Variants in FNBP1 observed in about 807,000 individuals in gnomAD.
FNBP1 encodes the protein formin binding protein 1.
FNBP1 carries 26 observed loss-of-function variants against 90.6 expected under a neutral mutation model. That is an observed-to-expected ratio of 0.29 (90% CI 0.21 to 0.40). The LOEUF is 0.40. Among genes scored for constraint, FNBP1 ranks in the 10% least tolerant of loss-of-function variants. The probability of loss-of-function intolerance (pLI) is 1.00; values close to 1 mark genes in which losing one functional copy is unlikely to be tolerated. For synonymous variants in FNBP1, 260 were observed against 265.2 expected (o/e 0.98, Z 0.19); for missense variants, 635 against 768.0 (o/e 0.83, Z 2.05).
At chr9:129,907,446 G>A (rs1305124228) in intron 12 of FNBP1, among the ~76,000 whole-genome samples, 2 of 152,140 alleles carry the variant, frequency 1.3e-5, no homozygotes, top group Non-Finnish European at 2.9e-5. Flanking sequence ...CAGGGTATCT[G>A]GAGTGCTTGG....
intron 15 of FNBP1, among the ~76,000 whole-genome samples, chr9:129,898,972 G>A (rs1210028381): frequency 6.6e-6 from 1 of 151,944 alleles, no homozygotes; most frequent in African/African-American, 2.4e-5. Context: ...CTCTCTGGAA[G>A]CTGTTAAGTT....
chr9:129,974,415 C>T (rs1337857236), intron 4 of FNBP1, among the ~76,000 whole-genome samples: 3 of 151,478 alleles, frequency 2.0e-5, no homozygotes, highest in Non-Finnish European at 4.4e-5. Flanking sequence ...GCTAAACACT[C>T]GGCCTCCCGA....
At chr9:129,904,694 T>A (rs2037635260) in intron 12 of FNBP1, among the ~76,000 whole-genome samples, 1 of 152,174 alleles carries the variant, frequency 6.6e-6, no homozygotes, top group Non-Finnish European at 1.5e-5. Flanking sequence ...CCTCTCTTCC[T>A]TCCTTCCTAT....
At chr9:129,987,753 G>A (rs1438346553) in intron 2 of FNBP1, among the ~76,000 whole-genome samples, 3 of 151,826 alleles carry the variant, frequency 2.0e-5, no homozygotes, top group Admixed American at 6.6e-5. Context: ...TGCCCACCTC[G>A]GCCTCCCAAA....
At chr9:129,892,221 G>A (rs543249735) in intron 16 of FNBP1, among the ~76,000 whole-genome samples, 5 of 152,166 alleles carry the variant, frequency 3.3e-5, no homozygotes, top group East Asian at 3.9e-4. Flanking sequence ...ATATACACAC[G>A]TATTCTGTGG....
chr9:130,033,638 T>C (rs889262258), intron 1 of FNBP1, among the ~76,000 whole-genome samples: 1 of 149,860 alleles, frequency 6.7e-6, no homozygotes, highest in Non-Finnish European at 1.5e-5. Flanking sequence ...AAAGTTCAAG[T>C]CCAGCCTGGG....
chr9:129,993,888 G>A (rs998954485), intron 2 of FNBP1, among the ~76,000 whole-genome samples: 1 of 152,040 alleles, frequency 6.6e-6, no homozygotes, highest in Non-Finnish European at 1.5e-5. Context: ...GCCTCCCAAA[G>A]TGCTGGGATT....
chr9:130,043,027 C>T lies in FNBP1; in HGVS notation c.-52G>A, dbSNP rs914103222. On this transcript the variant is annotated 5_prime_UTR_variant, in exon 1 of 17. Coordinates refer to ENST00000446176, the MANE Select transcript of FNBP1 (RefSeq NM_015033.3). ...CGCGCGGCGGGCGCGGCTCTCTGGT[C>T]CCCCTCCCCGGCGATCCCTTTGCCC... 10 of 1,222,978 alleles carry T rather than the reference C, an allele frequency of 8.2e-6. No individual in the cohort carries two copies. The highest frequency in any genetic ancestry group is 4.7e-5 in the African/African-American group (3 of 63,948). 75.8% of individuals were successfully genotyped at this position (1,222,978 alleles called of 1,614,324 possible).
At chr9:129,919,433 C>T (rs2040768360) in intron 10 of FNBP1, among the ~76,000 whole-genome samples, 1 of 152,048 alleles carries the variant, frequency 6.6e-6, no homozygotes, top group Non-Finnish European at 1.5e-5. Context: ...TTGCACAGGC[C>T]AGAAAATGAA....
Position 129,977,184 on chromosome 9 carries a change from G to T in FNBP1, c.345+1281C>A, listed in dbSNP as rs115029341. ...AAAAAAAAAAAAAATGTTATCACTG[G>T]CCAACGTGATTACTTTATTACTAGT... On this transcript the variant is annotated intron_variant, in intron 4 of 16. Transcript: ENST00000446176. Among the ~76,000 whole-genome samples the T allele has an allele frequency of 4.5e-4, 69 of 152,044 alleles. 1 individual carries two copies. The highest frequency in any genetic ancestry group is 1.7e-3 in the African/African-American group (69 of 41,484).
At chr9:130,020,457 G>C (rs1006332161) in intron 1 of FNBP1, among the ~76,000 whole-genome samples, 3 of 152,042 alleles carry the variant, frequency 2.0e-5, no homozygotes, top group African/African-American at 7.2e-5. Flanking sequence ...TGATCCACCC[G>C]CCTTGGCCTC....
intron 12 of FNBP1, among the ~76,000 whole-genome samples, chr9:129,905,610 C>T (rs1185871905): frequency 6.6e-6 from 1 of 151,782 alleles, no homozygotes; most frequent in African/African-American, 2.4e-5. Flanking sequence ...TGCCCAGCCG[C>T]TTCTATTTCC....
intron 2 of FNBP1, among the ~76,000 whole-genome samples, chr9:129,987,585 G>A (rs2052481952): frequency 6.6e-6 from 1 of 151,936 alleles, no homozygotes; most frequent in Admixed American, 6.6e-5. Flanking sequence ...CTGTCACCCA[G>A]GCTGGAGTGC....
chr9:130,013,882 CA>C, intron 1 of FNBP1: 1 of 425,698 alleles, frequency 2.3e-6, no homozygotes, highest in Non-Finnish European at 4.7e-6. Context: ...CCCTAAGTGG[CA>C]AAAGGCCTTC....
At chr9:129,952,327 C>T (rs1290520607) in intron 6 of FNBP1, among the ~76,000 whole-genome samples, 4 of 151,806 alleles carry the variant, frequency 2.6e-5, no homozygotes, top group African/African-American at 9.7e-5. Flanking sequence ...GGTGAAACCT[C>T]GTCTCTACTA....
chr9:130,025,537 G>A (rs1441094471), intron 1 of FNBP1, among the ~76,000 whole-genome samples: 1 of 152,176 alleles, frequency 6.6e-6, no homozygotes, highest in Non-Finnish European at 1.5e-5. Flanking sequence ...AGGGACTCGA[G>A]GTCACACAGT....
chr9:129,944,793 T>C (rs1225689381), intron 6 of FNBP1, among the ~76,000 whole-genome samples: 1 of 152,204 alleles, frequency 6.6e-6, no homozygotes, highest in African/African-American at 2.4e-5. Flanking sequence ...TCATGCCATT[T>C]GTAAGCGACA....
chr9:129,954,379 T>C (rs921889474), intron 6 of FNBP1, among the ~76,000 whole-genome samples: 7 of 152,072 alleles, frequency 4.6e-5, no homozygotes, highest in Non-Finnish European at 8.8e-5. Context: ...CCAAAACTCA[T>C]AAGTAATGCA....
chr9:129,963,480 G>A (rs966692493), intron 4 of FNBP1, among the ~76,000 whole-genome samples: 1 of 152,120 alleles, frequency 6.6e-6, no homozygotes, highest in Admixed American at 6.5e-5. Context: ...TTACTGGTAA[G>A]TTATCTCTCA....
Sources: gnomAD v4.1 joint callset for allele counts (sites outside exome capture counted in the v4.1 genomes callset) on GRCh38, gnomAD v4.1.1 for gene constraint, MANE v1.5 for transcripts, NCBI Gene and HGNC (gene_info 2026-07-23, HGNC 2026-07-21) for gene names.